TJP3: variants seen among roughly 807,000 people sequenced by gnomAD.
The protein encoded by TJP3 is tight junction protein ZO-3.
A neutral mutation model predicts 104.2 loss-of-function variants in TJP3; 85 were observed. The observed-to-expected ratio is 0.82, with a 90% confidence interval of 0.68 to 0.98. TJP3 has a LOEUF of 0.98. TJP3 is among the 50% of genes least tolerant of loss of function. TJP3 has a pLI of 0.00. For missense variants in TJP3, 1,367 were observed against 1,322.8 expected (o/e 1.03, Z -0.52); for synonymous variants, 550 against 550.6 (o/e 1.00, Z 0.02).
At chr19:3,710,488 A>G (rs2036423908) in intron 1 of TJP3, among the ~76,000 whole-genome samples, 1 of 152,108 alleles carries the variant, frequency 6.6e-6, no homozygotes, top group Non-Finnish European at 1.5e-5. Context: ...GCATCTCGAG[A>G]AAGTCCTGCC....
chr19:3,741,486 G>T (rs910034383), intron 14 of TJP3, among the ~76,000 whole-genome samples: 1 of 151,202 alleles, frequency 6.6e-6, no homozygotes, highest in African/African-American at 2.4e-5. Context: ...AATTAGCTGG[G>T]CATGGTGGCA....
chr19:3,733,953 G>T, intron 7 of TJP3, 41 bp downstream of exon 7: 1 of 1,596,670 alleles, frequency 6.3e-7, no homozygotes, highest in Non-Finnish European at 8.5e-7. Context: ...GGGTTGAATG[G>T]ATGGCAGGGA....
At chr19:3,739,220 G>T in intron 13 of TJP3, 86 bp downstream of exon 13, 2 of 1,282,234 alleles carry the variant, frequency 1.6e-6, no homozygotes, top group Non-Finnish European at 2.1e-6. Context: ...GGCTGGACGC[G>T]GTGGCTCAGG....
chr19:3,743,875 A>G lies in TJP3; in HGVS notation c.1844-64A>G. ...ATAAGGAAGTGGAGGGGTTTGTACAACACACTAGCAGTCTTTGATCGCAAA... is the reference window on the plus strand; with the variant it reads ...ATAAGGAAGTGGAGGGGTTTGTACAGCACACTAGCAGTCTTTGATCGCAAA... On this transcript the variant is annotated intron_variant, in intron 14 of 20. Coordinates refer to ENST00000541714, the MANE Select transcript of TJP3 (RefSeq NM_001267560.2). 6.1e-6 allele frequency: 9 copies of G among 1,482,290 alleles called. No homozygotes were observed. In the South Asian group the frequency reaches 1.0e-4, roughly 17 times the overall value. 91.8% of individuals were successfully genotyped at this position (1,482,290 alleles called of 1,614,324 possible). A position where few individuals can be genotyped will look rare whatever the true frequency, so the allele number is the denominator to read the frequency against.
At chr19:3,744,187 A>G (rs968038884) in intron 15 of TJP3, among the ~76,000 whole-genome samples, 153 bp downstream of exon 15, 5 of 152,122 alleles carry the variant, frequency 3.3e-5, no homozygotes, top group Admixed American at 2.6e-4. Context: ...GACATCCTCA[A>G]TCCATCTTGG....
chr19:3,715,775 T>C (rs1304477700), intron 1 of TJP3, among the ~76,000 whole-genome samples: 2 of 152,122 alleles, frequency 1.3e-5, no homozygotes, highest in African/African-American at 4.8e-5. Context: ...TTTTTATTGT[T>C]TCATTTTATT....
chr19:3,748,577 T>C lies in TJP3; in HGVS notation c.2610+496T>C, dbSNP rs75409139. Among the ~76,000 whole-genome samples the C allele has an allele frequency of 6.8e-4, 100 of 147,346 alleles. No homozygotes were observed. In the East Asian group the frequency reaches 0.018, roughly 27 times the overall value. ...GCCACTGCACCCAGGCTTTTTTTTT[T>C]TTTTTTTTGAGATGGAGTTTCGCTT... On this transcript the variant is annotated intron_variant, in intron 19 of 20. Transcript: ENST00000541714.
At chr19:3,722,772 C>T (rs2036553913) in intron 1 of TJP3, among the ~76,000 whole-genome samples, 2 of 151,232 alleles carry the variant, frequency 1.3e-5, no homozygotes, top group African/African-American at 4.9e-5. Context: ...TGCCTCCAGG[C>T]ACAGCTCTCA....
chr19:3,749,999 A>AC (rs2036968537), intron 19 of TJP3, 139 bp from the exon 20 acceptor site: 2 of 1,021,728 alleles, frequency 2.0e-6, no homozygotes, highest in Non-Finnish European at 3.0e-6. Flanking sequence ...TTTGGGGATG[A>AC]CCTGCAGACT....
At chr19:3,722,368 G>A (rs1342676274) in intron 1 of TJP3, among the ~76,000 whole-genome samples, 1 of 152,176 alleles carries the variant, frequency 6.6e-6, no homozygotes, top group Admixed American at 6.5e-5. Flanking sequence ...GGGGCGTGCA[G>A]CCGGCTGAGC....
At chr19:3,744,481 T>C (rs2036860040) in intron 15 of TJP3, among the ~76,000 whole-genome samples, 1 of 151,826 alleles carries the variant, frequency 6.6e-6, no homozygotes, top group South Asian at 2.1e-4. Context: ...CTGGCTAACA[T>C]GGTGAAACCC....
chr19:3,741,897 G>A (rs2036826757), intron 14 of TJP3, among the ~76,000 whole-genome samples: 1 of 152,046 alleles, frequency 6.6e-6, no homozygotes, highest in South Asian at 2.1e-4. Flanking sequence ...TTGAACCCGG[G>A]AGGCAGAGGT....
At chr19:3,718,239 GTGTGTGTGTGTGTGTGTC>G (rs1414597066) in intron 1 of TJP3, among the ~76,000 whole-genome samples, 1,864 of 126,604 alleles carry the variant, frequency 0.015, 33 homozygotes, top group African/African-American at 0.026. Context: ...GTGTGTGTGT[GTGTGTGTGTGTGTGTGTC>G]TGTGTGTGTG....
chr19:3,734,541 C>A, intron 8 of TJP3, 106 bp downstream of exon 8: 1 of 1,001,716 alleles, frequency 1.0e-6, no homozygotes, highest in Non-Finnish European at 1.4e-6. Context: ...CTTGAGGACG[C>A]AGTCCTGTAT....
rs376632273 is a variant in TJP3 at position 3,732,622 on chromosome 19, G to A, written c.717+584G>A. On this transcript the variant is annotated intron_variant, in intron 6 of 20. Transcript: ENST00000541714. ...CCTCCCAGGTTCAGGTGATTCTCCT[G>A]CCTTAGCCTCCCGAGTAGCTGGGAT... 3.0e-4 allele frequency among the ~76,000 whole-genome samples: 45 copies of A among 151,582 alleles called. 2 individuals are homozygous for A. The South Asian group carries it at 5.0e-3, about 17-fold the overall frequency.
chr19:3,749,205 C>T (rs2036955043), intron 19 of TJP3, among the ~76,000 whole-genome samples: 1 of 152,142 alleles, frequency 6.6e-6, no homozygotes, highest in Non-Finnish European at 1.5e-5. Flanking sequence ...CACCTGTTTC[C>T]TCATCTAGGA....
chr19:3,735,893 A>G lies in TJP3; in HGVS notation c.1085A>G (p.Asp362Gly). 1 of 1,614,160 alleles carries G rather than the reference A, an allele frequency of 6.2e-7. No homozygotes were observed. Among genetic ancestry groups the G allele is most frequent in the Non-Finnish European group, 8.5e-7 (1 of 1,180,028 alleles). The part of the protein sequence containing the change: ...RSELPRESSY[D>G]IYRVPSSQSM... ...GAGTTGCCCAGGGAAAGCAGCTATGACATCTACAGAGTGCCCAGCAGTCAG... is the reference window on the plus strand; with the variant it reads ...GAGTTGCCCAGGGAAAGCAGCTATGGCATCTACAGAGTGCCCAGCAGTCAG... The change falls in exon 10 of 21, where the codon GAC becomes GGC. Residue 362 changes from aspartate (D) to glycine (G), a missense_variant. Coordinates refer to ENST00000541714, the MANE Select transcript of TJP3 (RefSeq NM_001267560.2).
rs553501989 is a variant in TJP3 at position 3,728,909 on chromosome 19, G to A, written c.158+196G>A. Among the ~76,000 whole-genome samples, 7 of 152,140 alleles carry A rather than the reference G, an allele frequency of 4.6e-5. No homozygotes were observed. The East Asian group carries it at 9.7e-4, about 21-fold the overall frequency. On this transcript the variant is annotated intron_variant, in intron 3 of 20. Coordinates refer to ENST00000541714, the MANE Select transcript of TJP3 (RefSeq NM_001267560.2). ...CTCTACTAAAATTACAAAAATTAGC[G>A]GGATGTGGTAGCGTGTTCCTGTAAT... is the stretch of plus-strand genomic sequence containing the variant.
At chr19:3,740,470 C>A in intron 13 of TJP3, 82 bp from the exon 14 acceptor site, 3 of 896,984 alleles carry the variant, frequency 3.3e-6, no homozygotes, top group Non-Finnish European at 4.5e-6. Flanking sequence ...TGTCCACAGG[C>A]TCCGAGGGGT....
Sources: allele counts gnomAD v4.1 joint callset (sites outside exome capture counted in the v4.1 genomes callset), GRCh38; gene constraint gnomAD v4.1.1; transcripts MANE v1.5; gene names NCBI Gene and HGNC (gene_info 2026-07-23, HGNC 2026-07-21).